Variants in PCDH15 observed in about 807,000 individuals in gnomAD.
PCDH15 encodes protocadherin related 15.
Under a neutral mutation model 178.5 loss-of-function variants are expected in PCDH15, and 129 were observed. That is an observed-to-expected ratio of 0.72 (90% CI 0.63 to 0.84). The LOEUF is 0.84. Among genes scored for constraint, PCDH15 ranks in the 40% least tolerant of loss-of-function variants. The pLI, the probability that PCDH15 is intolerant of heterozygous loss-of-function variation, is 0.00. For missense variants in PCDH15, 2,230 were observed against 2,099.9 expected, an observed-to-expected ratio of 1.06 and a Z score of -1.21; for synonymous variants, 800 against 732.0, an observed-to-expected ratio of 1.09 and a Z score of -1.50.
intron 27 of PCDH15, among the ~76,000 whole-genome samples, chr10:53,860,773 G>GA (rs1169032661): frequency 1.3e-5 from 2 of 148,948 alleles, no homozygotes; most frequent in Admixed American, 1.3e-4. Flanking sequence ...AATTCTGACT[G>GA]AAATAGTAGG....
At chr10:54,491,549 G>A (rs1265595999) in intron 3 of PCDH15, among the ~76,000 whole-genome samples, 1 of 152,120 alleles carries the variant, frequency 6.6e-6, no homozygotes, top group Non-Finnish European at 1.5e-5. Context: ...AAGAGGTTAA[G>A]AAGAGAAATT....
intron 2 of PCDH15, among the ~76,000 whole-genome samples, chr10:55,604,778 C>T (rs1194282950): frequency 7.8e-6 from 1 of 127,952 alleles, no homozygotes; most frequent in Non-Finnish European, 1.7e-5. Flanking sequence ...CACTAAATGC[C>T]CACAAGAGAA....
Position 53,866,752 on chromosome 10 carries a change from G to A in PCDH15, c.3607C>T (p.Leu1203Phe). 6.2e-7 allele frequency: 1 copy of A among 1,612,964 alleles called. No homozygotes were observed. Among genetic ancestry groups the A allele is most frequent in the Non-Finnish European group, 8.5e-7 (1 of 1,179,182 alleles). The change falls in exon 27 of 38, where the codon CTT becomes TTT. Residue 1203 changes from leucine (L) to phenylalanine (F), a missense_variant. Coordinates refer to ENST00000644397, the MANE Select transcript of PCDH15 (RefSeq NM_001384140.1). ...EGFVVETYTG[L>F]IKTAMLFHNM... is the part of the protein sequence containing the mutation. ...TGGAAGAGCATAGCAGTTTTGATAAGCCCTGTATATGTTTCCACTACAAAT... is the reference window on the plus strand; with the variant it reads ...TGGAAGAGCATAGCAGTTTTGATAAACCCTGTATATGTTTCCACTACAAAT...
At chr10:55,236,361 T>C (rs879912510) in intron 1 of PCDH15, among the ~76,000 whole-genome samples, 1 of 152,048 alleles carries the variant, frequency 6.6e-6, no homozygotes, top group Non-Finnish European at 1.5e-5. Context: ...TGGGATGTGG[T>C]TGAAGGTAAA....
chr10:54,408,290 A>C (rs1465669523), intron 3 of PCDH15, among the ~76,000 whole-genome samples: 2 of 152,062 alleles, frequency 1.3e-5, no homozygotes, highest in East Asian at 3.9e-4. Context: ...TCTTAAAAGT[A>C]CTATCTTTGA....
chr10:55,343,578 A>C (rs1367537531), intron 2 of PCDH15, among the ~76,000 whole-genome samples: 1 of 152,008 alleles, frequency 6.6e-6, no homozygotes, highest in Non-Finnish European at 1.5e-5. Context: ...TGTAGTTAAC[A>C]ATTCAAATAT....
At chr10:54,560,822 C>T (rs573831620) in intron 2 of PCDH15, among the ~76,000 whole-genome samples, 2 of 151,736 alleles carry the variant, frequency 1.3e-5, no homozygotes, top group African/African-American at 4.8e-5. Flanking sequence ...TTTTTATTTC[C>T]GAAACAAGAA....
intron 1 of PCDH15, among the ~76,000 whole-genome samples, chr10:55,167,980 A>C (rs1364037969): frequency 6.6e-6 from 1 of 152,168 alleles, no homozygotes; most frequent in Non-Finnish European, 1.5e-5. Flanking sequence ...AGATCTCTAC[A>C]TAAAATAAAA....
In PCDH15 at chr10:54,382,177, A is replaced by T. The variant is rs2135121727; in HGVS notation, c.158-3235T>A. On this transcript the variant is annotated intron_variant, in intron 3 of 37. Transcript: ENST00000644397. ...ATTTGTGCTTCATCCTTTAAGAAGT[A>T]GGTATTGAGGGCCATTTACCTCTAG... 2.0e-5 allele frequency among the ~76,000 whole-genome samples: 3 copies of T among 152,252 alleles called. 1 individual carries two copies. The East Asian group carries it at 5.8e-4, about 29-fold the overall frequency.
intron 1 of PCDH15, among the ~76,000 whole-genome samples, chr10:55,174,323 A>G (rs1198233038): frequency 6.6e-6 from 1 of 152,122 alleles, no homozygotes; most frequent in South Asian, 2.1e-4. Flanking sequence ...AAGCCTGAAA[A>G]CCAGGCTGCC....
At chr10:54,140,384 T>C (rs898979933) in intron 14 of PCDH15, among the ~76,000 whole-genome samples, 1 of 152,112 alleles carries the variant, frequency 6.6e-6, no homozygotes, top group African/African-American at 2.4e-5. Flanking sequence ...ATCCATCAGG[T>C]TAATTTTTTT....
chr10:55,442,089 T>G (rs1400660132), intron 2 of PCDH15, among the ~76,000 whole-genome samples: 1 of 152,074 alleles, frequency 6.6e-6, no homozygotes, highest in Non-Finnish European at 1.5e-5. Context: ...CTGTGAGAAC[T>G]AGTAAGTAAC....
chr10:55,140,237 A>T (rs1838310335), intron 2 of PCDH15, among the ~76,000 whole-genome samples: 1 of 151,820 alleles, frequency 6.6e-6, no homozygotes, highest in Non-Finnish European at 1.5e-5. Flanking sequence ...GGCTTATTGC[A>T]CTAGCTAGAA....
At chr10:54,444,951 T>A (rs2076053890) in intron 3 of PCDH15, among the ~76,000 whole-genome samples, 1 of 151,528 alleles carries the variant, frequency 6.6e-6, no homozygotes, top group African/African-American at 2.4e-5. Flanking sequence ...ACAGAAATCC[T>A]TACTTAATCT....
intron 2 of PCDH15, among the ~76,000 whole-genome samples, chr10:54,550,488 C>CTGTG (rs71010384): frequency 0.021 from 3,211 of 150,740 alleles, 89 homozygotes; most frequent in African/African-American, 0.07. Context: ...GTGTATGTGT[C>CTGTG]TGTGTGTGTG....
intron 2 of PCDH15, among the ~76,000 whole-genome samples, chr10:55,032,892 C>G (rs1840646492): frequency 6.6e-6 from 1 of 152,058 alleles, no homozygotes; most frequent in Non-Finnish European, 1.5e-5. Flanking sequence ...TTCTTGAAGC[C>G]CAGAACTCCT....
rs114538439 is a variant in PCDH15 at position 53,930,498 on chromosome 10, G to A, written c.3373+8317C>T. ...AAAAAAAAAAAAAAGAAATAGCAAC[G>A]CATTCACATTTGTCTTTCCTTTTGA... On this transcript the variant is annotated intron_variant, in intron 25 of 37. Transcript: ENST00000644397. Among the ~76,000 whole-genome samples, 897 of 135,300 alleles carry A rather than the reference G, an allele frequency of 6.6e-3. 8 individuals carry two copies. The highest frequency in any genetic ancestry group is 0.023 in the African/African-American group (841 of 37,342). 88.8% of individuals were successfully genotyped at this position (135,300 alleles called of 152,430 possible). A position where few individuals can be genotyped will look rare whatever the true frequency, so the allele number is the denominator to read the frequency against.
intron 2 of PCDH15, among the ~76,000 whole-genome samples, chr10:55,120,504 A>G (rs1220380904): frequency 6.6e-6 from 1 of 152,112 alleles, no homozygotes; most frequent in Non-Finnish European, 1.5e-5. Context: ...TGAGATCTGG[A>G]TCATTCCAAT....
chr10:54,289,356 C>A (rs994568262), intron 8 of PCDH15, among the ~76,000 whole-genome samples: 8 of 152,208 alleles, frequency 5.3e-5, no homozygotes, highest in Non-Finnish European at 8.8e-5. Context: ...TCAACATCAA[C>A]AAAAAGGACA....
Sources: gnomAD v4.1 joint callset for allele counts (sites outside exome capture counted in the v4.1 genomes callset) on GRCh38, gnomAD v4.1.1 for gene constraint, MANE v1.5 for transcripts, NCBI Gene and HGNC (gene_info 2026-07-23, HGNC 2026-07-21) for gene names.